DGKB: variants seen among roughly 807,000 people sequenced by gnomAD.
DGKB encodes 90 kDa diacylglycerol kinase.
A neutral mutation model predicts 114.3 loss-of-function variants in DGKB; 67 were observed. The observed-to-expected ratio is 0.59, with a 90% confidence interval of 0.48 to 0.72. The LOEUF is 0.72. DGKB is among the 30% of genes least tolerant of loss of function. The pLI is 0.00. For synonymous variants in DGKB, 398 were observed against 323.1 expected (o/e 1.23, Z -2.49); for missense variants, 907 against 975.2 (o/e 0.93, Z 0.93).
rs913266116 is a variant in DGKB at position 14,146,972 on chromosome 7, T to C, written c.*2159A>G. 2 of 152,168 alleles carry C rather than the reference T, an allele frequency of 1.3e-5. No individual in the cohort carries two copies. Among genetic ancestry groups the C allele is most frequent in the Non-Finnish European group, 2.9e-5 (2 of 68,010 alleles). 9.4% of individuals were successfully genotyped at this position (152,168 alleles called of 1,614,324 possible). On this transcript the variant is annotated 3_prime_UTR_variant, in exon 26 of 26. Coordinates refer to ENST00000402815, the MANE Select transcript of DGKB (RefSeq NM_001350709.2). ...GTTGCTGCCTTCAAACTATATACTA[T>C]AAAAGGTAGCCAAGACATAATTGTA...
chr7:14,179,571 A>C (rs893234877), intron 23 of DGKB, among the ~76,000 whole-genome samples: 3 of 152,156 alleles, frequency 2.0e-5, no homozygotes, highest in Admixed American at 6.5e-5. Flanking sequence ...CTCCTCACTA[A>C]TGACTCCATT....
chr7:14,940,419 C>G (rs36882), intron 1 of DGKB, among the ~76,000 whole-genome samples: 89,637 of 151,284 alleles, frequency 0.59, 29,860 homozygotes, highest in East Asian at 0.91. Flanking sequence ...TTTTTTTGTA[C>G]TATAATTCTG....
At chr7:14,227,308 C>A (rs1790956363) in intron 23 of DGKB, among the ~76,000 whole-genome samples, 1 of 152,030 alleles carries the variant, frequency 6.6e-6, no homozygotes, top group Non-Finnish European at 1.5e-5. Flanking sequence ...ACTAGATTCA[C>A]ACTTTGGAAA....
intron 23 of DGKB, among the ~76,000 whole-genome samples, chr7:14,238,095 CT>C (rs2128357286): frequency 6.6e-6 from 1 of 152,068 alleles, no homozygotes; most frequent in South Asian, 2.1e-4. Context: ...ACTCATAACC[CT>C]TTTATCAGAA....
intron 1 of DGKB, among the ~76,000 whole-genome samples, chr7:14,892,788 T>C (rs1050391047): frequency 2.1e-4 from 32 of 151,088 alleles, no homozygotes; most frequent in African/African-American, 7.5e-4. Flanking sequence ...CAAATTGTTA[T>C]ATTCTTTCTT....
chr7:14,290,393 A>AGAT (rs558384040), intron 23 of DGKB, among the ~76,000 whole-genome samples: 54 of 152,190 alleles, frequency 3.5e-4, no homozygotes, highest in African/African-American at 1.2e-3. Flanking sequence ...TGAGAGAGAG[A>AGAT]GATACAATAC....
intron 2 of DGKB, among the ~76,000 whole-genome samples, chr7:14,805,662 T>G (rs796366010): frequency 5.9e-5 from 9 of 152,060 alleles, no homozygotes; most frequent in African/African-American, 2.2e-4. Flanking sequence ...ATCTTAATCT[T>G]TAGAGAATTT....
intron 1 of DGKB, among the ~76,000 whole-genome samples, chr7:14,917,176 A>C (rs1443714318): frequency 1.3e-5 from 2 of 152,062 alleles, no homozygotes; most frequent in Non-Finnish European, 2.9e-5. Context: ...ATATATTATA[A>C]AAGAAGAGAG....
At chr7:14,507,178 A>G (rs537648320) in intron 20 of DGKB, among the ~76,000 whole-genome samples, 2 of 152,212 alleles carry the variant, frequency 1.3e-5, no homozygotes, top group Non-Finnish European at 1.5e-5. Context: ...TAGTGTGCTT[A>G]ACTCAAACAA....
chr7:14,690,688 T>G (rs1473943400), intron 9 of DGKB, among the ~76,000 whole-genome samples: 1 of 152,250 alleles, frequency 6.6e-6, no homozygotes, highest in Non-Finnish European at 1.5e-5. Context: ...GGAGACCTTA[T>G]GGCCCCATAG....
chr7:14,730,771 C>T (rs377338996), intron 5 of DGKB, among the ~76,000 whole-genome samples: 3 of 152,264 alleles, frequency 2.0e-5, no homozygotes, highest in African/African-American at 7.2e-5. Flanking sequence ...ACTCCATGTA[C>T]TCATGTATCT....
intron 21 of DGKB, among the ~76,000 whole-genome samples, chr7:14,408,126 C>G (rs1563119922): frequency 6.6e-6 from 1 of 152,078 alleles, no homozygotes; most frequent in Admixed American, 6.6e-5. Context: ...AACATGGTGG[C>G]TCCTGACAAA....
rs377385556 is a variant in DGKB, at chr7:14,694,055, T to A, written c.711+20A>T. 55 of 1,565,180 alleles carry A rather than the reference T, an allele frequency of 3.5e-5. No homozygotes were observed. The highest frequency in any genetic ancestry group is 4.5e-5 in the Non-Finnish European group (52 of 1,153,010). ...CCACTGACTCACCACCAGGCCACCC[T>A]CCTCTGTGGAAATGCTTACATTTTC... On this transcript the variant is annotated intron_variant, in intron 9 of 25. Coordinates refer to ENST00000402815, the MANE Select transcript of DGKB (RefSeq NM_001350709.2).
intron 2 of DGKB, among the ~76,000 whole-genome samples, chr7:14,771,149 A>C (rs1214601698): frequency 6.6e-6 from 1 of 152,082 alleles, no homozygotes; most frequent in East Asian, 1.9e-4. Context: ...AAATTTACTG[A>C]GGCTCCAGAG....
At position 14,786,057 on chromosome 7, in the gene DGKB, A is replaced by C. The variant is rs555355281; in HGVS notation, c.71-28326T>G. 1.5e-4 allele frequency among the ~76,000 whole-genome samples: 23 copies of C among 152,156 alleles called. 1 individual carries two copies. In the South Asian group the frequency reaches 4.8e-3, roughly 32 times the overall value. ...ATCTTTCCTTTTTTTCGTCTTCATG[A>C]CATTTGCAAGCAATTGTACAGAGAT... is the stretch of plus-strand genomic sequence containing the variant. On this transcript the variant is annotated intron_variant, in intron 2 of 25. Transcript: ENST00000402815.
rs533979103 is a variant in DGKB at position 14,777,060 on chromosome 7, G to T, written c.71-19329C>A. On this transcript the variant is annotated intron_variant, in intron 2 of 25. Transcript: ENST00000402815. ...AAAGGAGATCATTTTTGAATTTTGAGGTTTAATGACTGCCCTATTGGATAC... is the reference window on the plus strand; with the variant it reads ...AAAGGAGATCATTTTTGAATTTTGATGTTTAATGACTGCCCTATTGGATAC... 4.6e-5 allele frequency among the ~76,000 whole-genome samples: 7 copies of T among 152,230 alleles called. No individual in the cohort carries two copies. In the East Asian group the frequency reaches 1.2e-3, roughly 25 times the overall value.
At chr7:14,722,176 G>A (rs1449778704) in intron 5 of DGKB, among the ~76,000 whole-genome samples, 1 of 152,016 alleles carries the variant, frequency 6.6e-6, no homozygotes, top group African/African-American at 2.4e-5. Flanking sequence ...CTATGAGTTT[G>A]GACAGGTGTA....
intron 2 of DGKB, among the ~76,000 whole-genome samples, chr7:14,809,193 A>G (rs893812852): frequency 6.6e-6 from 1 of 152,110 alleles, no homozygotes; most frequent in Non-Finnish European, 1.5e-5. Flanking sequence ...TAAGAATTCT[A>G]ACTATATTAT....
chr7:14,415,958 T>C (rs1454215006), intron 21 of DGKB, among the ~76,000 whole-genome samples: 224 of 152,110 alleles, frequency 1.5e-3, no homozygotes, highest in African/African-American at 5.1e-3. Context: ...TTAATGATTG[T>C]CATTCTAACT....
Sources: gnomAD v4.1 joint callset for allele counts (sites outside exome capture counted in the v4.1 genomes callset) on GRCh38, gnomAD v4.1.1 for gene constraint, MANE v1.5 for transcripts, NCBI Gene and HGNC (gene_info 2026-07-23, HGNC 2026-07-21) for gene names.